IL1RAPL1: variants seen among roughly 807,000 people sequenced by gnomAD.
IL1RAPL1 encodes interleukin 1 receptor accessory protein like 1, also known as interleukin-1 receptor accessory protein-like 1.
A neutral mutation model predicts 48.4 loss-of-function variants in IL1RAPL1; 3 were observed. That is an observed-to-expected ratio of 0.06 (90% CI 0.03 to 0.16). IL1RAPL1 has a LOEUF of 0.16. IL1RAPL1 is among the 10% of genes least tolerant of loss of function. The pLI is 1.00. For synonymous variants in IL1RAPL1, 185 were observed against 187.7 expected (o/e 0.99, Z 0.12); for missense variants, 349 against 530.6 (o/e 0.66, Z 3.36).
chrX:28,663,746 AATC>A (rs1934845924), intron 1 of IL1RAPL1, among the ~76,000 whole-genome samples: 1 of 88,891 alleles, frequency 1.1e-5, no homozygotes, highest in Non-Finnish European at 2.4e-5. Flanking sequence ...ATACAAATAT[AATC>A]AAATGATTTG....
At chrX:29,795,805 G>A (rs1929730869) in intron 6 of IL1RAPL1, among the ~76,000 whole-genome samples, 2 of 112,589 alleles carry the variant, frequency 1.8e-5, no homozygotes, top group Non-Finnish European at 3.8e-5. Context: ...ACTCAAACTG[G>A]GTTCTTAGAA....
chrX:29,805,480 A>C (rs1930234255), intron 6 of IL1RAPL1, among the ~76,000 whole-genome samples: 1 of 110,974 alleles, frequency 9.0e-6, no homozygotes, highest in African/African-American at 3.3e-5. Flanking sequence ...CAAGATGTTA[A>C]AAGCACTCCA....
At chrX:29,577,030 T>G (rs1013158991) in intron 5 of IL1RAPL1, among the ~76,000 whole-genome samples, 1 of 111,804 alleles carries the variant, frequency 8.9e-6, no homozygotes, top group African/African-American at 3.2e-5. Context: ...AATTTTGCTG[T>G]GAATTATGAA....
At chrX:29,879,466 CAA>C (rs1455474698) in intron 6 of IL1RAPL1, among the ~76,000 whole-genome samples, 3 of 98,380 alleles carry the variant, frequency 3.0e-5, no homozygotes, top group Non-Finnish European at 6.2e-5. Flanking sequence ...AACTGTATAC[CAA>C]GAGAAAAAAA....
chrX:28,671,109 G>C (rs1384017736), intron 1 of IL1RAPL1, among the ~76,000 whole-genome samples: 1 of 111,781 alleles, frequency 8.9e-6, no homozygotes, highest in East Asian at 2.8e-4. Flanking sequence ...CAAATCAAAA[G>C]AACAAAGGGA....
At chrX:28,718,545 TC>T (rs1935532081) in intron 1 of IL1RAPL1, among the ~76,000 whole-genome samples, 1 of 111,678 alleles carries the variant, frequency 9.0e-6, no homozygotes, top group South Asian at 3.6e-4. Flanking sequence ...ATGAAACTTC[TC>T]TGTAAGTGAA....
At chrX:28,752,207 T>G (rs1032577795) in intron 1 of IL1RAPL1, among the ~76,000 whole-genome samples, 2 of 111,998 alleles carry the variant, frequency 1.8e-5, no homozygotes, top group Non-Finnish European at 3.8e-5. Context: ...ATTTCTGCTA[T>G]TTTTATTTCC....
At chrX:29,070,763 A>G (rs1434516239) in intron 2 of IL1RAPL1, among the ~76,000 whole-genome samples, 1 of 111,977 alleles carries the variant, frequency 8.9e-6, no homozygotes, top group Non-Finnish European at 1.9e-5. Flanking sequence ...GTCTGGCAAA[A>G]AAAGGTTTGG....
chrX:29,144,331 G>A (rs953462077), intron 2 of IL1RAPL1, among the ~76,000 whole-genome samples: 1 of 110,258 alleles, frequency 9.1e-6, no homozygotes, highest in Non-Finnish European at 1.9e-5. Flanking sequence ...GGCTGGGTGC[G>A]GTGGCTCACA....
At chrX:29,897,775 C>T (rs1270756032) in intron 6 of IL1RAPL1, among the ~76,000 whole-genome samples, 1 of 111,590 alleles carries the variant, frequency 9.0e-6, no homozygotes, top group Non-Finnish European at 1.9e-5. Flanking sequence ...CTAATCTATA[C>T]AACTACACTT....
intron 6 of IL1RAPL1, among the ~76,000 whole-genome samples, chrX:29,907,977 CA>C (rs1197864778): frequency 1.8e-5 from 2 of 110,537 alleles, no homozygotes; most frequent in Non-Finnish European, 3.8e-5. Flanking sequence ...TTAAGGCTGG[CA>C]AAACTATGAT....
At chrX:28,779,662 A>G (rs1365595470) in intron 1 of IL1RAPL1, among the ~76,000 whole-genome samples, 16 of 88,794 alleles carry the variant, frequency 1.8e-4, no homozygotes, top group African/African-American at 4.3e-4. Flanking sequence ...ATATATATAT[A>G]TATATATATA....
intron 3 of IL1RAPL1, among the ~76,000 whole-genome samples, chrX:29,348,443 A>T (rs1228757336): frequency 8.9e-6 from 1 of 112,339 alleles, no homozygotes; most frequent in Admixed American, 9.5e-5. Flanking sequence ...ATCTGGGTGT[A>T]AGGAGTTAAC....
chrX:28,699,903 G>A (rs1935275915), intron 1 of IL1RAPL1, among the ~76,000 whole-genome samples: 2 of 111,395 alleles, frequency 1.8e-5, no homozygotes, highest in Admixed American at 1.9e-4. Flanking sequence ...ACTATGTCAT[G>A]ATCATTATAC....
chrX:29,937,063 G>T (rs1371442019), intron 8 of IL1RAPL1, among the ~76,000 whole-genome samples: 1 of 111,532 alleles, frequency 9.0e-6, no homozygotes, highest in Non-Finnish European at 1.9e-5. Context: ...GCAACTCTTT[G>T]GCACTTGTTC....
At chrX:28,756,798 A>T (rs944625855) in intron 1 of IL1RAPL1, among the ~76,000 whole-genome samples, 4 of 111,898 alleles carry the variant, frequency 3.6e-5, no homozygotes, top group African/African-American at 1.3e-4. Context: ...TGAATTAATA[A>T]GCAGACCTCA....
chrX:29,588,082 G>A (rs910567850), intron 5 of IL1RAPL1, among the ~76,000 whole-genome samples: 2 of 112,606 alleles, frequency 1.8e-5, no homozygotes, highest in South Asian at 7.2e-4. Context: ...AATGAAAGCA[G>A]CACACTATTT....
intron 2 of IL1RAPL1, among the ~76,000 whole-genome samples, chrX:28,881,880 G>A (rs982879042): frequency 9.1e-5 from 10 of 110,394 alleles, no homozygotes; most frequent in Non-Finnish European, 1.9e-4. Flanking sequence ...GAGAGACTAC[G>A]GGACTTATGG....
intron 3 of IL1RAPL1, among the ~76,000 whole-genome samples, chrX:29,352,354 A>G (rs1435460763): frequency 9.0e-6 from 1 of 111,587 alleles, no homozygotes; most frequent in Non-Finnish European, 1.9e-5. Context: ...GAATTCTTGT[A>G]GAGAGGATTT....
Sources: allele counts gnomAD v4.1 joint callset (sites outside exome capture counted in the v4.1 genomes callset), GRCh38; gene constraint gnomAD v4.1.1; transcripts MANE v1.5; gene names NCBI Gene and HGNC (gene_info 2026-07-23, HGNC 2026-07-21).